The following TMTC1 variants were observed in gnomAD, a reference collection of about 807,000 sequenced individuals.
TMTC1 encodes the protein transmembrane O-mannosyltransferase targeting cadherins 1.
In TMTC1, 73 loss-of-function variants were observed where a neutral mutation model predicts 104.8. The ratio of observed to expected loss-of-function variants is 0.70; its 90% CI spans 0.58 to 0.85. The LOEUF (loss-of-function observed/expected upper bound fraction) is 0.85, where lower values mean the gene tolerates loss of function less well. TMTC1 is among the 40% of genes least tolerant of loss of function. The pLI, the probability that TMTC1 is intolerant of heterozygous loss-of-function variation, is 0.00. For missense variants in TMTC1, 1,035 were observed against 1,096.1 expected (o/e 0.94, Z 0.79); for synonymous variants, 434 against 428.7 (o/e 1.01, Z -0.15).
At chr12:29,550,899 A>ACTCCAGCC (rs1945078352) in intron 10 of TMTC1, among the ~76,000 whole-genome samples, 1 of 144,034 alleles carries the variant, frequency 6.9e-6, no homozygotes, top group African/African-American at 2.6e-5. Context: ...GCATCACTGC[A>ACTCCAGCC]CTCCAGCCTG....
At chr12:29,562,416 C>T (rs1945399389) in intron 9 of TMTC1, among the ~76,000 whole-genome samples, 1 of 152,110 alleles carries the variant, frequency 6.6e-6, no homozygotes, top group Non-Finnish European at 1.5e-5. Context: ...TCTTGAGTGC[C>T]CTTAGGAAAT....
At chr12:29,701,316 G>A (rs930684631) in intron 5 of TMTC1, among the ~76,000 whole-genome samples, 6 of 152,224 alleles carry the variant, frequency 3.9e-5, no homozygotes, top group African/African-American at 9.6e-5. Flanking sequence ...GTCCACCACC[G>A]GTTTTGCCTT....
At chr12:29,704,062 G>C (rs756562457) in intron 5 of TMTC1, among the ~76,000 whole-genome samples, 2 of 151,930 alleles carry the variant, frequency 1.3e-5, no homozygotes, top group Admixed American at 6.6e-5. Flanking sequence ...CCCAGTCCCG[G>C]GTATTTCTTC....
At position 29,505,743 on chromosome 12, in the gene TMTC1, G is replaced by C. The variant is rs1054572921; in HGVS notation, c.*1103C>G. On this transcript the variant is annotated 3_prime_UTR_variant, in exon 18 of 18. Transcript: ENST00000539277. The stretch of plus-strand genomic sequence containing the variant: ...TAGATCTTTACCCTAGATTTTTAGA[G>C]CATTCTCCATAATATTCTCAAAACA... The C allele has an allele frequency of 6.6e-6, 1 of 151,820 alleles. No individual in the cohort carries two copies. Among genetic ancestry groups the C allele is most frequent in the East Asian group, 1.9e-4 (1 of 5,168 alleles). 9.4% of individuals were successfully genotyped at this position (151,820 alleles called of 1,614,324 possible).
intron 5 of TMTC1, chr12:29,659,995 A>G (rs773808400): frequency 4.6e-6 from 7 of 1,529,018 alleles, no homozygotes; most frequent in Non-Finnish European, 5.3e-6. Flanking sequence ...TTCAGAAAAT[A>G]AGAAGATTCA....
At position 29,556,902 on chromosome 12, in the gene TMTC1, T is replaced by C; in HGVS notation, c.1631A>G (p.His544Arg). Residue 544 changes from histidine to arginine, a missense_variant, in exon 10 of 18, where the codon CAT becomes CGT. Transcript: ENST00000539277. Reference sequence around the variant, plus strand: ...GAAAAGAGCCCGGTTATGCTGTGGATGGAGCTGGAGAGCCCTCTGATAGTA... The same window carrying C: ...GAAAAGAGCCCGGTTATGCTGTGGACGGAGCTGGAGAGCCCTCTGATAGTA... Reference protein sequence around the residue: ...KMYYQRALQLHPQHNRALFNL... With the variant: ...KMYYQRALQLRPQHNRALFNL... 1.2e-6 allele frequency: 2 copies of C among 1,614,104 alleles called. No homozygotes were observed. The highest frequency in any genetic ancestry group is 1.7e-6 in the Non-Finnish European group (2 of 1,179,948).
intron 5 of TMTC1, among the ~76,000 whole-genome samples, chr12:29,665,002 T>C (rs372443378): frequency 2.0e-4 from 30 of 152,320 alleles, no homozygotes; most frequent in Admixed American, 7.2e-4. Context: ...TAAATCTACC[T>C]GAGCTTTACT....
intron 1 of TMTC1, among the ~76,000 whole-genome samples, chr12:29,769,463 G>T (rs779080879): frequency 2.0e-5 from 3 of 152,176 alleles, no homozygotes; most frequent in Non-Finnish European, 2.9e-5. Context: ...AATAGGCAGT[G>T]AACTAGAGAA....
At chr12:29,670,788 T>C (rs922093583) in intron 5 of TMTC1, among the ~76,000 whole-genome samples, 4 of 151,084 alleles carry the variant, frequency 2.6e-5, no homozygotes, top group African/African-American at 9.7e-5. Context: ...AAAATTAGCC[T>C]GGCATGGTGG....
chr12:29,751,661 A>C lies in TMTC1; in HGVS notation c.938+5T>G. 1 of 1,614,140 alleles carries C rather than the reference A, an allele frequency of 6.2e-7. No individual in the cohort carries two copies. Among genetic ancestry groups the C allele is most frequent in the South Asian group, 1.1e-5 (1 of 91,080 alleles). On this transcript the variant is annotated splice_donor_5th_base_variant and intron_variant, in intron 5 of 17. Coordinates refer to ENST00000539277, the MANE Select transcript of TMTC1 (RefSeq NM_001193451.2). ...ATGCAGGGACCAAGAAACCCAGCCC[A>C]GTACCTCATCATGGACCACACAGCT... is the stretch of plus-strand genomic sequence containing the variant.
At chr12:29,601,984 C>T (rs569626574) in intron 7 of TMTC1, among the ~76,000 whole-genome samples, 8 of 151,718 alleles carry the variant, frequency 5.3e-5, no homozygotes, top group African/African-American at 7.3e-5. Context: ...TACAGGCGCC[C>T]GCCACCGTGC....
At chr12:29,660,033 C>T (rs1939942285) in intron 5 of TMTC1, 3 of 1,410,014 alleles carry the variant, frequency 2.1e-6, no homozygotes, top group African/African-American at 1.4e-5. Context: ...AATCTCCACC[C>T]TTTTTGCAGG....
At chr12:29,536,020 G>T in intron 11 of TMTC1, 189 bp downstream of exon 11, 1 of 558,832 alleles carries the variant, frequency 1.8e-6, no homozygotes, top group Non-Finnish European at 3.1e-6. Context: ...GTCTAAAAGC[G>T]ACCTGTGATA....
Position 29,778,022 on chromosome 12 carries a change from T to G in TMTC1, c.302+5428A>C, listed in dbSNP as rs573267766. Among the ~76,000 whole-genome samples, 4 of 152,346 alleles carry G rather than the reference T, an allele frequency of 2.6e-5. 1 individual carries two copies. Among genetic ancestry groups the G allele is most frequent in the African/African-American group, 9.6e-5 (4 of 41,594 alleles). On this transcript the variant is annotated intron_variant, in intron 1 of 17. Coordinates refer to ENST00000539277, the MANE Select transcript of TMTC1 (RefSeq NM_001193451.2). ...CTATTTGTAACTAAAAGATGCAAAC[T>G]ACTGCAAAAAACCTTCAAGATCAAA...
At chr12:29,672,649 C>A (rs561855097) in intron 5 of TMTC1, among the ~76,000 whole-genome samples, 3 of 152,268 alleles carry the variant, frequency 2.0e-5, no homozygotes, top group Non-Finnish European at 2.9e-5. Context: ...CCTCCTCTCA[C>A]CCCATCCTCA....
chr12:29,590,500 C>T (rs1036057216), intron 7 of TMTC1, among the ~76,000 whole-genome samples: 3 of 152,120 alleles, frequency 2.0e-5, no homozygotes, highest in African/African-American at 7.2e-5. Flanking sequence ...TAAAAATCCA[C>T]GTGTGGCCAG....
intron 5 of TMTC1, among the ~76,000 whole-genome samples, chr12:29,687,838 AG>A (rs1941143675): frequency 6.6e-6 from 1 of 152,118 alleles, no homozygotes; most frequent in Non-Finnish European, 1.5e-5. Flanking sequence ...GTGTGGTGAG[AG>A]GAAGAACTAT....
At chr12:29,601,412 C>T (rs1377877512) in intron 7 of TMTC1, among the ~76,000 whole-genome samples, 1 of 152,210 alleles carries the variant, frequency 6.6e-6, no homozygotes, top group African/African-American at 2.4e-5. Context: ...TGTATCTAAA[C>T]TAGATGACAC....
chr12:29,503,237 C>T lies in TMTC1; in HGVS notation c.*3609G>A, dbSNP rs538773152. The stretch of plus-strand genomic sequence containing the variant: ...ACAATTCTCTTTGTTTTGTGATAGG[C>T]TTTAAATTAAACAACCCAAAAGGAT... On this transcript the variant is annotated 3_prime_UTR_variant, in exon 18 of 18. Coordinates refer to ENST00000539277, the MANE Select transcript of TMTC1 (RefSeq NM_001193451.2). 6.6e-6 allele frequency: 1 copy of T among 152,260 alleles called. No homozygotes were observed. The highest frequency in any genetic ancestry group is 2.4e-5 in the African/African-American group (1 of 41,560). The allele number at this position is 152,260 out of a possible 1,614,324, so 9.4% of individuals were successfully genotyped here.
Sources: allele counts gnomAD v4.1 joint callset (sites outside exome capture counted in the v4.1 genomes callset), GRCh38; gene constraint gnomAD v4.1.1; transcripts MANE v1.5; gene names NCBI Gene and HGNC (gene_info 2026-07-23, HGNC 2026-07-21).